TET2: variants seen among roughly 807,000 people sequenced by gnomAD.
The protein encoded by TET2 is tet methylcytosine dioxygenase 2.
In TET2, 299 loss-of-function variants were observed where a neutral mutation model predicts 142.9. The observed-to-expected ratio is 2.09, with a 90% confidence interval of 1.90 to 2.30. TET2 has a LOEUF of 2.30. Among genes scored for constraint, TET2 ranks in the 30% most tolerant of loss-of-function variants. The pLI, the probability that TET2 is intolerant of heterozygous loss-of-function variation, is 0.00. For synonymous variants in TET2, 819 were observed against 849.0 expected (o/e 0.96, Z 0.61); for missense variants, 2,418 against 2,378.0 (o/e 1.02, Z -0.35).
intron 1 of TET2, among the ~76,000 whole-genome samples, chr4:105,186,955 C>A (rs973435597): frequency 7.2e-4 from 109 of 152,248 alleles, no homozygotes; most frequent in Non-Finnish European, 5.1e-4. Context: ...TTGGGGATCA[C>A]CTCTTTTTAC....
chr4:105,243,433 G>C, intron 5 of TET2, 137 bp from the exon 6 acceptor site: 1 of 781,116 alleles, frequency 1.3e-6, no homozygotes, highest in Non-Finnish European at 2.1e-6. Context: ...CATTGGACAT[G>C]CTGATAAATG....
intron 6 of TET2, among the ~76,000 whole-genome samples, chr4:105,250,404 T>C (rs1248079423): frequency 3.3e-5 from 4 of 119,802 alleles, no homozygotes; most frequent in African/African-American, 1.2e-4. Context: ...TTTTTTTTTT[T>C]TTTTTTTGGT....
intron 1 of TET2, among the ~76,000 whole-genome samples, chr4:105,159,706 C>T (rs897103600): frequency 3.5e-4 from 53 of 152,300 alleles, no homozygotes; most frequent in African/African-American, 1.3e-3. Flanking sequence ...TGCCTCCCAG[C>T]CTCACAAAAT....
At chr4:105,200,822 A>G (rs757405825) in intron 2 of TET2, among the ~76,000 whole-genome samples, 2 of 151,790 alleles carry the variant, frequency 1.3e-5, no homozygotes, top group Non-Finnish European at 2.9e-5. Flanking sequence ...CACCATGCCC[A>G]GCTAATTTTT....
At chr4:105,150,914 G>T (rs1218152104) in intron 1 of TET2, among the ~76,000 whole-genome samples, 1 of 152,190 alleles carries the variant, frequency 6.6e-6, no homozygotes, top group South Asian at 2.1e-4. Flanking sequence ...ATGTATGTCT[G>T]CTATTTCCAG....
chr4:105,218,403 T>C (rs1322997133), intron 2 of TET2, among the ~76,000 whole-genome samples: 1 of 152,122 alleles, frequency 6.6e-6, no homozygotes, highest in Non-Finnish European at 1.5e-5. Context: ...TATCTACTTC[T>C]TCCTCATGTC....
chr4:105,241,909 A>G, intron 4 of TET2: 1 of 1,243,946 alleles, frequency 8.0e-7, no homozygotes, highest in South Asian at 4.2e-5. Flanking sequence ...TATGTTGAAT[A>G]GAAAGAGAAA....
Position 105,235,703 on chromosome 4 carries a change from A to G in TET2, c.1761A>G (p.Pro587=), listed in dbSNP as rs775689727. The change falls in exon 3 of 11, where the codon CCA becomes CCG. Residue 587 remains proline (P), a synonymous_variant. Transcript: ENST00000380013. ...TAAAACGTAATGAGGCATCACTGCC[A>G]TCAATTCTTCAGTATCAACCCAATC... ...SHLKRNEASL[P]SILQYQPNLS... is the part of the protein sequence containing the mutation. 5 of 1,614,082 alleles carry G rather than the reference A, an allele frequency of 3.1e-6. No individual in the cohort carries two copies. In the Admixed American group the frequency reaches 5.0e-5, roughly 16 times the overall value.
intron 2 of TET2, among the ~76,000 whole-genome samples, chr4:105,197,587 A>G (rs985822419): frequency 6.6e-6 from 1 of 152,118 alleles, no homozygotes; most frequent in African/African-American, 2.4e-5. Context: ...AAAAACTAAT[A>G]CTGTAGATCT....
chr4:105,162,541 A>C (rs2110383027), intron 1 of TET2, among the ~76,000 whole-genome samples: 1 of 152,316 alleles, frequency 6.6e-6, no homozygotes, highest in Non-Finnish European at 1.5e-5. Flanking sequence ...TTTAACCCTG[A>C]CAAGCAAGTA....
At chr4:105,221,699 CT>C (rs200287976) in intron 2 of TET2, among the ~76,000 whole-genome samples, 2,097 of 151,108 alleles carry the variant, frequency 0.014, 30 homozygotes, top group Middle Eastern at 0.059. Flanking sequence ...AGTCCTTTTT[CT>C]TTTTTTTTAT....
rs566674796 is a variant in TET2 at position 105,244,586 on chromosome 4, G to GTTTTTTTT, written c.3803+827_3803+834dup. Reference sequence around the variant, plus strand: ...AATGTTCACGGTGCTACACAGAAATGTTTTTTTTTTTTTTTTTTTTTTTTT... The same window carrying GTTTTTTTT: ...AATGTTCACGGTGCTACACAGAAATGTTTTTTTTTTTTTTTTTTTTTTTTTTTTTTTTT... On this transcript the variant is annotated intron_variant, in intron 6 of 10. Coordinates refer to ENST00000380013, the MANE Select transcript of TET2 (RefSeq NM_001127208.3). 7.5e-5 allele frequency among the ~76,000 whole-genome samples: 5 copies of GTTTTTTTT among 66,734 alleles called. 1 individual carries two copies. Among genetic ancestry groups the GTTTTTTTT allele is most frequent in the Admixed American group, 4.1e-4 (2 of 4,854 alleles). 43.8% of individuals were successfully genotyped at this position (66,734 alleles called of 152,430 possible). A position where few individuals can be genotyped will look rare whatever the true frequency, so the allele number is the denominator to read the frequency against.
chr4:105,272,733 G>A lies in TET2; in HGVS notation c.4352G>A (p.Arg1451Gln), dbSNP rs1332555809. 5.8e-6 allele frequency: 9 copies of A among 1,551,512 alleles called. No individual in the cohort carries two copies. Among genetic ancestry groups the A allele is most frequent in the Non-Finnish European group, 6.1e-6 (7 of 1,146,982 alleles). Residue 1451 changes from arginine to glutamine, a missense_variant, in exon 10 of 11, where the codon CGG becomes CAG. Arg to Gln is a conservative substitution (Grantham distance 43). Coordinates refer to ENST00000380013, the MANE Select transcript of TET2 (RefSeq NM_001127208.3). The stretch of plus-strand genomic sequence containing the variant: ...GCCATTCAGGTACTGAGTTCTTTTC[G>A]GCGAAAAGTCAGGATGTTAGCAGAG... ...SGAIQVLSSF[R>Q]RKVRMLAEPV...
chr4:105,213,666 T>G (rs1411819039), intron 2 of TET2, among the ~76,000 whole-genome samples: 1 of 152,220 alleles, frequency 6.6e-6, no homozygotes, highest in Non-Finnish European at 1.5e-5. Flanking sequence ...TAAAGCACAC[T>G]ACCAAAAGCC....
intron 2 of TET2, among the ~76,000 whole-genome samples, chr4:105,197,047 A>T (rs1726135263): frequency 1.3e-5 from 2 of 152,314 alleles, no homozygotes; most frequent in Middle Eastern, 3.4e-3. Context: ...TCTCATTTGC[A>T]AAGTTACATT....
intron 3 of TET2, chr4:105,237,626 T>C: frequency 6.9e-7 from 1 of 1,449,544 alleles, no homozygotes; most frequent in Middle Eastern, 2.6e-4. Context: ...TGAATGTATC[T>C]GTTTTAGATC....
chr4:105,247,714 C>CTTTTTTTTT (rs1206510081), intron 6 of TET2, among the ~76,000 whole-genome samples: 14 of 65,318 alleles, frequency 2.1e-4, no homozygotes, highest in African/African-American at 4.3e-4. Flanking sequence ...TTTTTCTTTT[C>CTTTTTTTTT]TTTTTTTTTT....
chr4:105,163,611 C>CTAT (rs888728470), intron 1 of TET2, among the ~76,000 whole-genome samples: 2 of 152,068 alleles, frequency 1.3e-5, no homozygotes, highest in African/African-American at 4.8e-5. Flanking sequence ...TTTGTTGGTG[C>CTAT]TATTACTCTC....
Position 105,275,935 on chromosome 4 carries a change from AC to A in TET2, c.5426del (p.Thr1809MetfsTer11). ...GCTTCCAGCTCTTAACCATGATAGA[AC>A]TGCTTGTGTCCAAGGAGGCTTACAC... The part of the protein sequence containing the change: ...KMLPALNHDR[T>X]ACVQGGLHKL... On this transcript the variant is annotated frameshift_variant, in exon 11 of 11. Transcript: ENST00000380013. LOFTEE classifies it low-confidence loss of function (END_TRUNC). 1 of 1,551,966 alleles carries A rather than the reference AC, an allele frequency of 6.4e-7. No individual in the cohort carries two copies. Among genetic ancestry groups the A allele is most frequent in the Non-Finnish European group, 8.7e-7 (1 of 1,147,028 alleles).
Sources: allele counts gnomAD v4.1 joint callset (sites outside exome capture counted in the v4.1 genomes callset), GRCh38; gene constraint gnomAD v4.1.1; transcripts MANE v1.5; gene names NCBI Gene and HGNC (gene_info 2026-07-23, HGNC 2026-07-21).